Variants in GPR160 observed in about 807,000 individuals in gnomAD.
The protein encoded by GPR160 is G protein-coupled receptor 160, also known as probable G protein-coupled receptor 160.
A neutral mutation model predicts 2.6 loss-of-function variants in GPR160; 2 were observed. That is an observed-to-expected ratio of 0.77 (90% CI 0.32 to 2.44). The LOEUF (loss-of-function observed/expected upper bound fraction) is 2.44, where lower values mean the gene tolerates loss of function less well. GPR160 is among the 30% of genes most tolerant of loss of function. The pLI is 0.11. For synonymous variants in GPR160, 130 were observed against 132.2 expected (o/e 0.98, Z 0.12); for missense variants, 351 against 383.6 (o/e 0.91, Z 0.71).
rs932507546 is a variant in GPR160, at chr3:170,068,893, G to A, written c.-192-10881G>A. 2.6e-5 allele frequency among the ~76,000 whole-genome samples: 4 copies of A among 152,144 alleles called. No individual in the cohort carries two copies. In the East Asian group the frequency reaches 7.7e-4, roughly 29 times the overall value. On this transcript the variant is annotated intron_variant, in intron 2 of 3. Transcript: ENST00000355897. ...ATGTCCAGTCATATTTATAAGTAGG[G>A]CAGTATCTAGGCTGTTTCTTCAGGG...
intron 2 of GPR160, among the ~76,000 whole-genome samples, chr3:170,055,498 A>G (rs992778837): frequency 6.6e-6 from 1 of 152,208 alleles, no homozygotes; most frequent in Non-Finnish European, 1.5e-5. Context: ...CTCAGGGACT[A>G]TTGAGCACAG....
chr3:170,058,445 AAAAAGAAGGGAAGATAAAAT>A (rs1711757874), intron 2 of GPR160, among the ~76,000 whole-genome samples: 1 of 152,218 alleles, frequency 6.6e-6, no homozygotes, highest in South Asian at 2.1e-4. Context: ...CGTGCCTGGG[AAAAAGAAGGGAAGATAAAAT>A]GGAGAATAAG....
intron 2 of GPR160, among the ~76,000 whole-genome samples, chr3:170,053,708 A>G (rs1711508441): frequency 1.3e-5 from 2 of 152,212 alleles, no homozygotes; most frequent in African/African-American, 4.8e-5. Context: ...ACACTTAAGT[A>G]TAATGATAGC....
chr3:170,056,913 T>C (rs1035302798), intron 2 of GPR160, among the ~76,000 whole-genome samples: 1 of 152,230 alleles, frequency 6.6e-6, no homozygotes, highest in Non-Finnish European at 1.5e-5. Context: ...ATCAGTGCTC[T>C]AGTTAATACT....
rs1449607868 is a variant in GPR160 at position 170,038,366 on chromosome 3, AG to A, written c.-322+155del. The stretch of plus-strand genomic sequence containing the variant: ...GAAGGAATTTCCTTTGCAGGAACTC[AG>A]GGGCTGGGGGTTCTCTGCTACTTAA... On this transcript the variant is annotated intron_variant, in intron 1 of 3. Transcript: ENST00000355897. This position sits in a 1 kb window ranked among gnomAD's most constrained non-coding sequence, Gnocchi z 5.3. 1 of 151,964 alleles carries A rather than the reference AG, an allele frequency of 6.6e-6. No individual in the cohort carries two copies. Among genetic ancestry groups the A allele is most frequent in the Non-Finnish European group, 1.5e-5 (1 of 67,992 alleles). 9.4% of individuals were successfully genotyped at this position (151,964 alleles called of 1,614,324 possible).
At chr3:170,077,358 G>A (rs1712906670) in intron 2 of GPR160, 1 of 152,096 alleles carries the variant, frequency 6.6e-6, no homozygotes, top group Non-Finnish European at 1.5e-5. Context: ...AATGTACAGA[G>A]GACTTTCCAG....
intron 2 of GPR160, among the ~76,000 whole-genome samples, chr3:170,045,446 A>T (rs1473674630): frequency 8.4e-6 from 1 of 119,314 alleles, no homozygotes; most frequent in Non-Finnish European, 1.7e-5. Context: ...AAAAAAAAAA[A>T]ACCAATTAGC....
At chr3:170,045,300 C>T (rs1156954984) in intron 2 of GPR160, among the ~76,000 whole-genome samples, 1 of 150,564 alleles carries the variant, frequency 6.6e-6, no homozygotes, top group Non-Finnish European at 1.5e-5. Context: ...CATGGTGGCT[C>T]ACACCTGTAA....
chr3:170,056,631 C>T (rs1424275299), intron 2 of GPR160, among the ~76,000 whole-genome samples: 3 of 152,162 alleles, frequency 2.0e-5, no homozygotes. Flanking sequence ...TAATCCATAA[C>T]TGGTGGCATA....
intron 2 of GPR160, among the ~76,000 whole-genome samples, chr3:170,047,846 T>C (rs1385134250): frequency 6.7e-6 from 1 of 150,244 alleles, no homozygotes; most frequent in Non-Finnish European, 1.5e-5. Context: ...TTTTTTTTTT[T>C]TTTTTTTTTG....
intron 2 of GPR160, among the ~76,000 whole-genome samples, chr3:170,060,099 G>A (rs935791460): frequency 3.3e-5 from 5 of 151,836 alleles, no homozygotes; most frequent in African/African-American, 1.2e-4. Flanking sequence ...GAAGTACAAC[G>A]TGCCAAAGCG....
intron 2 of GPR160, among the ~76,000 whole-genome samples, chr3:170,047,678 A>G (rs1716780693): frequency 6.6e-6 from 1 of 152,108 alleles, no homozygotes; most frequent in Non-Finnish European, 1.5e-5. Flanking sequence ...GAGTGGATAA[A>G]GAATATGTGA....
rs139168286 is a variant in GPR160, at chr3:170,081,609, C to T, written c.-69+1712C>T. Among the ~76,000 whole-genome samples, 89 of 152,198 alleles carry T rather than the reference C, an allele frequency of 5.8e-4. 1 individual carries two copies. Among genetic ancestry groups the T allele is most frequent in the African/African-American group, 2.1e-3 (86 of 41,536 alleles). On this transcript the variant is annotated intron_variant, in intron 3 of 3. Transcript: ENST00000355897. ...TATTTTTATTTTAGGTTCAGGGGTA[C>T]ATGTGCAGGTTTGTTATAAACTCAT...
At chr3:170,079,176 C>G (rs944301871) in intron 2 of GPR160, among the ~76,000 whole-genome samples, 2 of 152,224 alleles carry the variant, frequency 1.3e-5, no homozygotes, top group Non-Finnish European at 2.9e-5. Flanking sequence ...CAAGGCTGCT[C>G]TCTTCTTCGG....
chr3:170,069,817 GC>G (rs1211584360), intron 2 of GPR160, among the ~76,000 whole-genome samples: 2 of 151,974 alleles, frequency 1.3e-5, no homozygotes, highest in Non-Finnish European at 2.9e-5. Context: ...ATTTGTTAGG[GC>G]TGCCATAACA....
At chr3:170,048,965 C>T (rs979403309) in intron 2 of GPR160, among the ~76,000 whole-genome samples, 14 of 152,162 alleles carry the variant, frequency 9.2e-5, no homozygotes, top group Admixed American at 6.5e-5. Flanking sequence ...CTGAGGCCAC[C>T]ACCTTACCAG....
intron 2 of GPR160, among the ~76,000 whole-genome samples, chr3:170,066,479 CTCTAT>C (rs1439598937): frequency 1.3e-5 from 2 of 152,034 alleles, no homozygotes; most frequent in Admixed American, 6.6e-5. Context: ...GTATTTCTTG[CTCTAT>C]TCTGTGTCTT....
chr3:170,084,368 T>TAA lies in GPR160; in HGVS notation c.397_398dup (p.Cys134SerfsTer11), dbSNP rs1713302320. On this transcript the variant is annotated frameshift_variant, in exon 4 of 4. Coordinates refer to ENST00000355897, the MANE Select transcript of GPR160 (RefSeq NM_014373.3). LOFTEE classifies it low-confidence loss of function (END_TRUNC). ...TCTCTAAAACAACCAAGCTTTCATT[T>TAA]AAGTGTCAAAAATTATTTTATTTCT... 1 of 1,609,048 alleles carries TAA rather than the reference T, an allele frequency of 6.2e-7. No homozygotes were observed. Among genetic ancestry groups the TAA allele is most frequent in the Non-Finnish European group, 8.5e-7 (1 of 1,176,282 alleles).
At chr3:170,047,084 C>T (rs533079500) in intron 2 of GPR160, among the ~76,000 whole-genome samples, 1 of 152,284 alleles carries the variant, frequency 6.6e-6, no homozygotes, top group South Asian at 2.1e-4. Context: ...TCCCCTTCAG[C>T]AGGGGGCAGT....
Sources: allele counts gnomAD v4.1 joint callset (sites outside exome capture counted in the v4.1 genomes callset), GRCh38; gene constraint gnomAD v4.1.1; non-coding constraint Gnocchi (gnomAD v3.1); transcripts MANE v1.5; gene names NCBI Gene and HGNC (gene_info 2026-07-23, HGNC 2026-07-21).